GRIP1: variants seen among roughly 807,000 people sequenced by gnomAD.
GRIP1 encodes the protein glutamate receptor-interacting protein 1.
GRIP1 carries 45 observed loss-of-function variants against 129.9 expected under a neutral mutation model. The observed-to-expected ratio is 0.35, with a 90% CI of 0.27 to 0.44. GRIP1 has a LOEUF of 0.44. Among genes scored for constraint, GRIP1 ranks in the 20% least tolerant of loss-of-function variants. GRIP1 has a pLI of 1.00. For missense variants in GRIP1, 1,196 were observed against 1,396.8 expected (o/e 0.86, Z 2.29); for synonymous variants, 530 against 520.8 (o/e 1.02, Z -0.24).
chr12:66,472,170 T>C (rs1461640126), intron 7 of GRIP1, among the ~76,000 whole-genome samples: 1 of 152,222 alleles, frequency 6.6e-6, no homozygotes, highest in Non-Finnish European at 1.5e-5. Context: ...GTCCACCTCA[T>C]AGTCCCATGG....
chr12:67,049,279 T>C (rs910435931), intron 1 of GRIP1, among the ~76,000 whole-genome samples: 12 of 152,220 alleles, frequency 7.9e-5, no homozygotes, highest in African/African-American at 2.7e-4. Context: ...GGTAAAACCA[T>C]AGACTTTGAG....
chr12:66,654,185 A>G (rs1037055321), intron 1 of GRIP1, among the ~76,000 whole-genome samples: 1 of 152,230 alleles, frequency 6.6e-6, no homozygotes, highest in African/African-American at 2.4e-5. Flanking sequence ...GGAGACAACT[A>G]CAAAAAATTT....
chr12:66,632,239 C>T lies in GRIP1; in HGVS notation c.56-35312G>A, dbSNP rs144545171. On this transcript the variant is annotated intron_variant, in intron 1 of 24. Transcript: ENST00000359742. ...TGTTGTCACAGGTATAGAACACTTGCTATAAACAGAACTGCATGGGAGAAA... is the reference window on the plus strand; with the variant it reads ...TGTTGTCACAGGTATAGAACACTTGTTATAAACAGAACTGCATGGGAGAAA... 5.9e-5 allele frequency among the ~76,000 whole-genome samples: 9 copies of T among 152,206 alleles called. No individual in the cohort carries two copies. The East Asian group carries it at 1.5e-3, about 26-fold the overall frequency.
At chr12:66,614,554 C>T (rs1173381713) in intron 1 of GRIP1, among the ~76,000 whole-genome samples, 1 of 152,128 alleles carries the variant, frequency 6.6e-6, no homozygotes, top group East Asian at 1.9e-4. Flanking sequence ...ACCATCACCT[C>T]TTGCCTGCAC....
chr12:66,379,986 ACCT>A (rs1028172311), intron 19 of GRIP1, among the ~76,000 whole-genome samples: 8 of 150,648 alleles, frequency 5.3e-5, no homozygotes, highest in African/African-American at 1.7e-4. Flanking sequence ...CCCCACCACA[ACCT>A]CCTCCTCCCG....
intron 1 of GRIP1, among the ~76,000 whole-genome samples, chr12:66,832,115 G>A (rs1292609359): frequency 3.3e-5 from 5 of 152,166 alleles, no homozygotes; most frequent in Non-Finnish European, 7.3e-5. Flanking sequence ...CTTAAGACCT[G>A]TACACCTTGC....
At chr12:66,477,736 C>G (rs1238022774) in intron 7 of GRIP1, among the ~76,000 whole-genome samples, 2 of 152,176 alleles carry the variant, frequency 1.3e-5, no homozygotes, top group Non-Finnish European at 2.9e-5. Flanking sequence ...ACATCTACAA[C>G]CATCTGATCT....
intron 7 of GRIP1, among the ~76,000 whole-genome samples, chr12:66,504,783 T>C (rs1048501881): frequency 3.3e-5 from 5 of 152,170 alleles, no homozygotes; most frequent in East Asian, 1.9e-4. Flanking sequence ...TAATAAAACA[T>C]GCTGTAGTCA....
intron 1 of GRIP1, among the ~76,000 whole-genome samples, chr12:66,975,747 C>T (rs561177924): frequency 1.3e-5 from 2 of 152,176 alleles, no homozygotes; most frequent in East Asian, 1.9e-4. Context: ...AAGAGAGACA[C>T]GATGGAGGTT....
At chr12:66,696,384 AAG>A (rs1055925583) in intron 1 of GRIP1, among the ~76,000 whole-genome samples, 1 of 152,200 alleles carries the variant, frequency 6.6e-6, no homozygotes, top group Non-Finnish European at 1.5e-5. Flanking sequence ...CAGTGTAACA[AAG>A]AAGACATTCT....
chr12:66,406,248 G>T, intron 16 of GRIP1, 35 bp downstream of exon 16: 1 of 1,610,436 alleles, frequency 6.2e-7, no homozygotes, highest in Non-Finnish European at 8.5e-7. Flanking sequence ...TGGGCAGTTC[G>T]AAAAATCAGT....
At chr12:66,451,458 T>A (rs1351904088) in intron 11 of GRIP1, among the ~76,000 whole-genome samples, 2 of 132,842 alleles carry the variant, frequency 1.5e-5, no homozygotes, top group East Asian at 5.0e-4. Context: ...GGCTGGAGCA[T>A]AGTGGCAGAA....
chr12:66,528,291 C>T (rs949870297), intron 5 of GRIP1, among the ~76,000 whole-genome samples: 3 of 152,030 alleles, frequency 2.0e-5, no homozygotes, highest in Non-Finnish European at 2.9e-5. Context: ...CCTGCCACCA[C>T]GCCCGGCTAA....
intron 8 of GRIP1, among the ~76,000 whole-genome samples, chr12:66,465,055 A>C (rs12818551): frequency 6.6e-6 from 1 of 150,410 alleles, no homozygotes; most frequent in African/African-American, 2.5e-5. Flanking sequence ...AGTGATTCTC[A>C]TGCCTCAGCC....
At chr12:66,719,735 A>G (rs1442820459) in intron 1 of GRIP1, among the ~76,000 whole-genome samples, 4 of 152,228 alleles carry the variant, frequency 2.6e-5, no homozygotes. Flanking sequence ...CATTAGATTT[A>G]TGTAAAAATT....
At chr12:66,829,433 A>C in intron 1 of GRIP1, among the ~76,000 whole-genome samples, 1 of 152,156 alleles carries the variant, frequency 6.6e-6, no homozygotes, top group Non-Finnish European at 1.5e-5. Context: ...TGACATCCAG[A>C]ACTCTAAGAG....
At chr12:66,887,176 CT>C (rs1457248680) in intron 1 of GRIP1, among the ~76,000 whole-genome samples, 1 of 152,228 alleles carries the variant, frequency 6.6e-6, no homozygotes, top group African/African-American at 2.4e-5. Context: ...ACTTCGCCTT[CT>C]GGCTTTGCCT....
At chr12:66,507,204 C>T (rs980039173) in intron 7 of GRIP1, among the ~76,000 whole-genome samples, 3 of 152,044 alleles carry the variant, frequency 2.0e-5, no homozygotes, top group African/African-American at 4.8e-5. Flanking sequence ...TTTGGGAGGC[C>T]GAGGCGGGTG....
At chr12:66,451,227 TAAGA>T (rs1057421656) in intron 11 of GRIP1, among the ~76,000 whole-genome samples, 32 of 152,134 alleles carry the variant, frequency 2.1e-4, no homozygotes, top group African/African-American at 7.5e-4. Context: ...CTTCCTAGTG[TAAGA>T]AAGGGCAGGG....
Sources: allele counts gnomAD v4.1 joint callset (sites outside exome capture counted in the v4.1 genomes callset), GRCh38; gene constraint gnomAD v4.1.1; transcripts MANE v1.5; gene names NCBI Gene and HGNC (gene_info 2026-07-23, HGNC 2026-07-21).